NFIA: variants seen among roughly 807,000 people sequenced by gnomAD.
NFIA encodes nuclear factor 1 A-type.
Under a neutral mutation model 62.8 loss-of-function variants are expected in NFIA, and 8 were observed. The ratio of observed to expected loss-of-function variants is 0.13; its 90% CI spans 0.07 to 0.23. NFIA has a LOEUF of 0.23. NFIA is among the 10% of genes least tolerant of loss of function. NFIA has a pLI of 1.00. For synonymous variants in NFIA, 235 were observed against 238.1 expected, an observed-to-expected ratio of 0.99 and a Z score of 0.12; for missense variants, 410 against 642.1, an observed-to-expected ratio of 0.64 and a Z score of 3.91.
At chr1:61,226,399 C>A (rs899917635) in intron 2 of NFIA, among the ~76,000 whole-genome samples, 2 of 152,180 alleles carry the variant, frequency 1.3e-5, no homozygotes, top group African/African-American at 4.8e-5. Flanking sequence ...TGTCCACATC[C>A]ATTATCCTAC....
intron 6 of NFIA, among the ~76,000 whole-genome samples, chr1:61,368,032 G>T (rs1663684920): frequency 6.6e-6 from 1 of 152,234 alleles, no homozygotes; most frequent in Non-Finnish European, 1.5e-5. Flanking sequence ...ACGAATGAGC[G>T]TTGCTCCGCT....
chr1:61,284,230 C>T (rs571502965), intron 3 of NFIA, among the ~76,000 whole-genome samples: 15 of 152,276 alleles, frequency 9.9e-5, no homozygotes, highest in Admixed American at 5.2e-4. Context: ...GTTTCCAGAT[C>T]TGTATAATTA....
intron 6 of NFIA, among the ~76,000 whole-genome samples, chr1:61,364,598 T>C (rs1034106242): frequency 6.6e-6 from 1 of 151,950 alleles, no homozygotes; most frequent in Non-Finnish European, 1.5e-5. Context: ...GCATTGACTT[T>C]ATTACAAGTA....
At chr1:61,146,907 G>C (rs1003137998) in intron 2 of NFIA, among the ~76,000 whole-genome samples, 1 of 152,136 alleles carries the variant, frequency 6.6e-6, no homozygotes, top group Non-Finnish European at 1.5e-5. Context: ...GCTGAAAGTA[G>C]GGTGTGATGA....
Position 61,370,907 on chromosome 1 carries a change from C to T in NFIA, c.946+11633C>T, listed in dbSNP as rs546061301. ...ATTTGCGTAGCTGGAAGTGCACTCA[C>T]GTCATTAGAAATTCAAGGAATGGCA... On this transcript the variant is annotated intron_variant, in intron 6 of 10. Coordinates refer to ENST00000403491, the MANE Select transcript of NFIA (RefSeq NM_001134673.4). 5.3e-5 allele frequency among the ~76,000 whole-genome samples: 8 copies of T among 151,982 alleles called. 2 individuals are homozygous for T. The East Asian group carries it at 1.2e-3, about 22-fold the overall frequency.
intron 4 of NFIA, among the ~76,000 whole-genome samples, chr1:61,342,302 G>T (rs1015541593): frequency 3.3e-5 from 5 of 152,042 alleles, no homozygotes; most frequent in Admixed American, 6.5e-5. Context: ...TGCACTATTG[G>T]TTGTGGGGCT....
chr1:61,192,120 G>T (rs905608311), intron 2 of NFIA, among the ~76,000 whole-genome samples: 1 of 151,886 alleles, frequency 6.6e-6, no homozygotes, highest in Non-Finnish European at 1.5e-5. Context: ...CACCACACCT[G>T]GCTAATTTTT....
chr1:61,192,427 C>T (rs570494060), intron 2 of NFIA, among the ~76,000 whole-genome samples: 1 of 152,200 alleles, frequency 6.6e-6, no homozygotes, highest in African/African-American at 2.4e-5. Flanking sequence ...CCTTGCCAGG[C>T]GCAGTGGCTC....
chr1:61,179,947 C>A (rs183435778), intron 2 of NFIA, among the ~76,000 whole-genome samples: 1 of 152,258 alleles, frequency 6.6e-6, no homozygotes, highest in Admixed American at 6.5e-5. Flanking sequence ...ATCTTCTGAC[C>A]AAAGGCTGAC....
At chr1:61,386,978 C>A (rs142567849) in intron 7 of NFIA, among the ~76,000 whole-genome samples, 1 of 152,112 alleles carries the variant, frequency 6.6e-6, no homozygotes, top group African/African-American at 2.4e-5. Context: ...GGGGTGGGGT[C>A]GCTCTCTAGT....
At chr1:61,100,187 C>G (rs1479359292) in intron 2 of NFIA, among the ~76,000 whole-genome samples, 1 of 152,186 alleles carries the variant, frequency 6.6e-6, no homozygotes, top group Non-Finnish European at 1.5e-5. Context: ...AAGGCCCAAA[C>G]CTTCTTTTTT....
At chr1:61,297,161 C>T (rs1223256583) in intron 3 of NFIA, among the ~76,000 whole-genome samples, 1 of 152,120 alleles carries the variant, frequency 6.6e-6, no homozygotes, top group Non-Finnish European at 1.5e-5. Context: ...AAATATAGGA[C>T]CTGTAGATAA....
rs1387480874 is a variant in NFIA at position 61,461,256 on chromosome 1, A to G, written c.*5936A>G. The G allele has an allele frequency of 6.6e-6, 1 of 152,156 alleles. No homozygotes were observed. Among genetic ancestry groups the G allele is most frequent in the Non-Finnish European group, 1.5e-5 (1 of 68,030 alleles). 9.4% of individuals were successfully genotyped at this position (152,156 alleles called of 1,614,324 possible). On this transcript the variant is annotated 3_prime_UTR_variant, in exon 11 of 11. Coordinates refer to ENST00000403491, the MANE Select transcript of NFIA (RefSeq NM_001134673.4). ...AGGTACCCATGCTTGATCTGTCTTC[A>G]CACCAGACCTCCTCATATTAAAAGG...
chr1:61,164,255 A>T (rs1338139147), intron 2 of NFIA, among the ~76,000 whole-genome samples: 1 of 152,040 alleles, frequency 6.6e-6, no homozygotes, highest in Admixed American at 6.5e-5. Context: ...TGGTTGCCAT[A>T]TGTATGTTGA....
At chr1:61,186,193 C>T (rs1047945779) in intron 2 of NFIA, among the ~76,000 whole-genome samples, 1 of 152,150 alleles carries the variant, frequency 6.6e-6, no homozygotes, top group African/African-American at 2.4e-5. Flanking sequence ...TGGGAGAAGA[C>T]AGAGCTGTGA....
intron 7 of NFIA, among the ~76,000 whole-genome samples, chr1:61,386,661 A>ATAAGC (rs1350387438): frequency 6.6e-6 from 1 of 152,242 alleles, no homozygotes. Context: ...GGCTGCAAAC[A>ATAAGC]TAAGCTACAT....
intron 10 of NFIA, among the ~76,000 whole-genome samples, chr1:61,430,609 C>T (rs1454306616): frequency 5.3e-5 from 8 of 151,772 alleles, no homozygotes; most frequent in African/African-American, 4.8e-5. Context: ...GGAAAGATAA[C>T]GTGGATAATT....
At chr1:61,287,602 T>A (rs961593889) in intron 3 of NFIA, among the ~76,000 whole-genome samples, 12 of 151,912 alleles carry the variant, frequency 7.9e-5, no homozygotes, top group Non-Finnish European at 4.4e-5. Flanking sequence ...GCCAGGAGTT[T>A]GAGACCAGCC....
chr1:61,126,545 G>T (rs1646974639), intron 2 of NFIA, among the ~76,000 whole-genome samples: 1 of 150,858 alleles, frequency 6.6e-6, no homozygotes, highest in South Asian at 2.1e-4. Flanking sequence ...AATACTAGAG[G>T]TATAGCCTTA....
Sources: gnomAD v4.1 joint callset for allele counts (sites outside exome capture counted in the v4.1 genomes callset) on GRCh38, gnomAD v4.1.1 for gene constraint, MANE v1.5 for transcripts, NCBI Gene and HGNC (gene_info 2026-07-23, HGNC 2026-07-21) for gene names.